Variants in DGAT2L6 observed in about 807,000 individuals in gnomAD.
DGAT2L6 encodes diacylglycerol O-acyltransferase 2 like 6, also known as diacylglycerol O-acyltransferase 2-like protein 6.
DGAT2L6 carries 22 observed loss-of-function variants against 25.5 expected under a neutral mutation model. The observed-to-expected ratio is 0.86, with a 90% confidence interval of 0.62 to 1.23. The LOEUF (loss-of-function observed/expected upper bound fraction) is 1.23, where lower values mean the gene tolerates loss of function less well. Ranked by LOEUF, DGAT2L6 falls within the 50% of genes most tolerant of loss-of-function variation. DGAT2L6 has a pLI of 0.00. For synonymous variants in DGAT2L6, 100 were observed against 94.7 expected (o/e 1.06, Z -0.32); for missense variants, 287 against 253.2 (o/e 1.13, Z -0.91).
intron 1 of DGAT2L6, among the ~76,000 whole-genome samples, chrX:70,180,586 A>G (rs1314642923): frequency 8.9e-6 from 1 of 112,087 alleles, no homozygotes; most frequent in Non-Finnish European, 1.9e-5. Flanking sequence ...ACCATTTCTA[A>G]GTATGCTCTA....
At chrX:70,198,929 A>G (rs1287133792) in intron 1 of DGAT2L6, among the ~76,000 whole-genome samples, 2 of 112,251 alleles carry the variant, frequency 1.8e-5, no homozygotes, top group Non-Finnish European at 3.8e-5. Context: ...TTTAGAAAGA[A>G]TTTCCAGAGG....
intron 1 of DGAT2L6, among the ~76,000 whole-genome samples, chrX:70,181,624 C>G (rs1278060541): frequency 8.9e-6 from 1 of 111,880 alleles, no homozygotes; most frequent in Non-Finnish European, 1.9e-5. Context: ...AGCCTCCTTA[C>G]TATCTAGTAA....
intron 1 of DGAT2L6, among the ~76,000 whole-genome samples, chrX:70,190,452 G>A (rs191733407): frequency 1.8e-5 from 2 of 111,805 alleles, no homozygotes; most frequent in East Asian, 5.6e-4. Flanking sequence ...TGTTTTGAGA[G>A]GGCAGGCCCA....
chrX:70,186,101 G>A (rs986903492), intron 1 of DGAT2L6, among the ~76,000 whole-genome samples: 1 of 111,626 alleles, frequency 9.0e-6, no homozygotes, highest in Non-Finnish European at 1.9e-5. Context: ...TTTGGAATAC[G>A]GTTTCTCTTC....
chrX:70,204,917 G>T lies in DGAT2L6; in HGVS notation c.860-35G>T, dbSNP rs1011690912. ...GGATGAGTAGTTTGAGTTGAGGGGGGAACTCTGATGTTTGTCTCTTTTCTT... is the reference window on the plus strand; with the variant it reads ...GGATGAGTAGTTTGAGTTGAGGGGGTAACTCTGATGTTTGTCTCTTTTCTT... On this transcript the variant is annotated intron_variant, in intron 6 of 6. Transcript: ENST00000333026. 13 of 1,143,835 alleles carry T rather than the reference G, an allele frequency of 1.1e-5. No individual in the cohort carries two copies. In the Admixed American group the frequency reaches 1.4e-4, roughly 12 times the overall value. 94.3% of individuals were successfully genotyped at this position (1,143,835 alleles called of 1,213,427 possible).
chrX:70,204,407 G>T lies in DGAT2L6; in HGVS notation c.750G>T (p.Gln250His). ...TWLRLFQKTFQDTFKKILGLN... is the reference protein window; with the variant it reads ...TWLRLFQKTFHDTFKKILGLN... ...TAAGGTTGTTCCAAAAAACCTTCCA[G>T]GACACATTCAAAAAAATCCTGGGAC... Residue 250 changes from glutamine to histidine, a missense_variant, in exon 6 of 7, where the codon CAG (glutamine) becomes CAT (histidine). Transcript: ENST00000333026. 8.3e-7 allele frequency: 1 copy of T among 1,211,535 alleles called. No individual in the cohort carries two copies. Among genetic ancestry groups the T allele is most frequent in the Non-Finnish European group, 1.1e-6 (1 of 895,448 alleles).
At chrX:70,191,315 A>T (rs979242437) in intron 1 of DGAT2L6, among the ~76,000 whole-genome samples, 3 of 111,754 alleles carry the variant, frequency 2.7e-5, no homozygotes, top group Non-Finnish European at 5.6e-5. Flanking sequence ...AAGAAATAAA[A>T]ACCACAAAAA....
chrX:70,202,181 C>A, intron 5 of DGAT2L6, 117 bp downstream of exon 5: 1 of 659,260 alleles, frequency 1.5e-6, no homozygotes, highest in South Asian at 5.0e-5. Context: ...CACTCTAATT[C>A]CTTCTGTCTA....
At chrX:70,190,146 T>A (rs146329058) in intron 1 of DGAT2L6, among the ~76,000 whole-genome samples, 2 of 112,436 alleles carry the variant, frequency 1.8e-5, no homozygotes, top group African/African-American at 3.2e-5. Context: ...ATATGGTCAA[T>A]TGATTTTTGA....
intron 1 of DGAT2L6, among the ~76,000 whole-genome samples, chrX:70,186,226 A>G (rs989916415): frequency 4.5e-5 from 5 of 112,301 alleles, no homozygotes; most frequent in Non-Finnish European, 7.5e-5. Context: ...GCACTGTGCT[A>G]AAGGCCAAAC....
At chrX:70,203,919 A>C (rs1056115232) in intron 5 of DGAT2L6, among the ~76,000 whole-genome samples, 1 of 110,131 alleles carries the variant, frequency 9.1e-6, no homozygotes, top group East Asian at 2.9e-4. Context: ...AGAGTGGGGA[A>C]AGGGAAAGCT....
chrX:70,185,424 A>G (rs183391729), intron 1 of DGAT2L6, among the ~76,000 whole-genome samples: 2 of 112,542 alleles, frequency 1.8e-5, no homozygotes, highest in Admixed American at 9.4e-5. Context: ...CACATAATGA[A>G]TGCTATCTAC....
rs150146010 is a variant in DGAT2L6 at position 70,200,372 on chromosome X, C to T, written c.385C>T (p.Arg129Trp). 1.7e-4 allele frequency: 205 copies of T among 1,210,000 alleles called. 1 individual carries two copies. In the African/African-American group the frequency reaches 2.9e-3, roughly 17 times the overall value. ...TGCCACTGAGGCCACTGGCATTGCTCGGATTTTCCCATCCATCACTCCCTT... is the reference window on the plus strand; with the variant it reads ...TGCCACTGAGGCCACTGGCATTGCTTGGATTTTCCCATCCATCACTCCCTT... ...NFATEATGIA[R>W]IFPSITPFVG... The change falls in exon 4 of 7, where the codon CGG (arginine) becomes TGG (tryptophan). Residue 129 changes from arginine (R) to tryptophan (W), a missense_variant. Coordinates refer to ENST00000333026, the MANE Select transcript of DGAT2L6 (RefSeq NM_198512.3).
At chrX:70,198,998 G>C (rs148328796) in intron 1 of DGAT2L6, among the ~76,000 whole-genome samples, 1 of 112,095 alleles carries the variant, frequency 8.9e-6, no homozygotes, top group East Asian at 2.8e-4. Flanking sequence ...TCACCAAGCC[G>C]TGCTGTCCTT....
chrX:70,183,047 C>A (rs1236086352), intron 1 of DGAT2L6, among the ~76,000 whole-genome samples: 1 of 112,259 alleles, frequency 8.9e-6, no homozygotes. Context: ...CCCTCCTCAG[C>A]CTCCCAAAGT....
At chrX:70,179,142 G>A (rs1331686299) in intron 1 of DGAT2L6, among the ~76,000 whole-genome samples, 1 of 112,201 alleles carries the variant, frequency 8.9e-6, no homozygotes, top group East Asian at 2.8e-4. Context: ...CAGACTGCCA[G>A]AGGGGTCCAC....
At position 70,201,904 on chromosome X, in the gene DGAT2L6, A is replaced by G. The variant is rs971969935; in HGVS notation, c.487A>G (p.Ser163Gly). Residue 163 changes from serine (S) to glycine (G), a missense_variant, in exon 5 of 7, where the codon AGT becomes GGT. Physicochemically the swap from Ser to Gly is moderately conservative, Grantham distance 56. Transcript: ENST00000333026. ...YVMSMGVCPV[S>G]SSALKYLLTQ... ...TGGTTTCACAGGTGTGTGCCCTGTG[A>G]GTAGCTCAGCCTTGAAGTACTTGCT... 3 of 1,191,408 alleles carry G rather than the reference A, an allele frequency of 2.5e-6. No individual in the cohort carries two copies. The highest frequency in any genetic ancestry group is 3.6e-5 in the African/African-American group (2 of 56,231).
chrX:70,197,200 A>G (rs2085394914), intron 1 of DGAT2L6, among the ~76,000 whole-genome samples: 1 of 112,066 alleles, frequency 8.9e-6, no homozygotes, highest in South Asian at 3.7e-4. Flanking sequence ...CTTGTTCTTC[A>G]TCATTCCTTC....
At chrX:70,202,194 C>T (rs971753383) in intron 5 of DGAT2L6, 130 bp downstream of exon 5, 30 of 582,525 alleles carry the variant, frequency 5.1e-5, no homozygotes, top group Non-Finnish European at 7.0e-5. Context: ...TCTGTCTACC[C>T]CCTCACATTG....
Sources: allele counts gnomAD v4.1 joint callset (sites outside exome capture counted in the v4.1 genomes callset), GRCh38; gene constraint gnomAD v4.1.1; transcripts MANE v1.5; gene names NCBI Gene and HGNC (gene_info 2026-07-23, HGNC 2026-07-21).